ZNF618: variants seen among roughly 807,000 people sequenced by gnomAD.
ZNF618 encodes neural precursor cell expressed, developmentally down-regulated 10.
A neutral mutation model predicts 103.0 loss-of-function variants in ZNF618; 34 were observed. The ratio of observed to expected loss-of-function variants is 0.33; its 90% confidence interval spans 0.25 to 0.44. The LOEUF (loss-of-function observed/expected upper bound fraction) is 0.44, where lower values mean the gene tolerates loss of function less well. ZNF618 is among the 20% of genes least tolerant of loss of function. The pLI is 1.00. For missense variants in ZNF618, 1,059 were observed against 1,295.4 expected (o/e 0.82, Z 2.80); for synonymous variants, 551 against 542.2 (o/e 1.02, Z -0.23).
intron 1 of ZNF618, among the ~76,000 whole-genome samples, chr9:113,924,273 C>T (rs1832882457): frequency 6.6e-6 from 1 of 151,774 alleles, no homozygotes; most frequent in Non-Finnish European, 1.5e-5. Context: ...AGGAATTGGT[C>T]CATTTTATCT....
intron 2 of ZNF618, among the ~76,000 whole-genome samples, chr9:113,970,806 T>G (rs191486963): frequency 6.6e-6 from 1 of 151,184 alleles, no homozygotes; most frequent in Non-Finnish European, 1.5e-5. Context: ...TCATTTTCAT[T>G]ATTCGTTATT....
chr9:114,021,265 A>G (rs1042277715), intron 10 of ZNF618, among the ~76,000 whole-genome samples: 4 of 152,140 alleles, frequency 2.6e-5, no homozygotes, highest in Admixed American at 6.5e-5. Context: ...TAAGTTGTAT[A>G]ACTTGATTAT....
chr9:114,002,087 C>T lies in ZNF618; in HGVS notation c.511+14C>T, dbSNP rs766508777. ...GGGCGCACCGAGGTGAGAGGAGTGT[C>T]CCTGGGGCAGAGCCCAGGGGCCGCA... On this transcript the variant is annotated intron_variant, in intron 5 of 14. Coordinates refer to ENST00000374126, the MANE Select transcript of ZNF618 (RefSeq NM_001318042.2). 6.2e-7 allele frequency: 1 copy of T among 1,610,832 alleles called. No homozygotes were observed. The highest frequency in any genetic ancestry group is 2.2e-5 in the East Asian group (1 of 44,886).
chr9:114,010,568 G>A (rs1842148943), intron 9 of ZNF618, among the ~76,000 whole-genome samples: 1 of 152,026 alleles, frequency 6.6e-6, no homozygotes, highest in Admixed American at 6.6e-5. Context: ...GCCGGGCGTG[G>A]TGGCATGTGC....
intron 1 of ZNF618, among the ~76,000 whole-genome samples, chr9:113,912,269 A>T (rs1831622731): frequency 1.3e-5 from 2 of 151,976 alleles, no homozygotes; most frequent in Non-Finnish European, 2.9e-5. Context: ...AACATACAGG[A>T]GAAGGCAGCA....
chr9:113,964,059 C>G (rs1200163978), intron 1 of ZNF618, among the ~76,000 whole-genome samples: 3 of 152,288 alleles, frequency 2.0e-5, no homozygotes, highest in South Asian at 2.1e-4. Context: ...AAGGCAAAAT[C>G]CTAATTATAG....
rs1564192158 is a variant in ZNF618, at chr9:113,938,564, C to CTTTTCTT, written c.34-30549_34-30548insCTTTTTT. On this transcript the variant is annotated intron_variant, in intron 1 of 14. Coordinates refer to ENST00000374126, the MANE Select transcript of ZNF618 (RefSeq NM_001318042.2). Reference sequence around the variant, plus strand: ...GTGATTCCTCCTCCCATTATATTTTCTTTTTTTCTTTTTTTTTTTTTTGAG... The same window carrying CTTTTCTT: ...GTGATTCCTCCTCCCATTATATTTTCTTTTCTTTTTTTTTCTTTTTTTTTTTTTTGAG... Among the ~76,000 whole-genome samples the CTTTTCTT allele has an allele frequency of 4.1e-4, 32 of 77,676 alleles. 2 individuals carry two copies. The highest frequency in any genetic ancestry group is 4.4e-4 in the Non-Finnish European group (15 of 34,204). 51.0% of individuals were successfully genotyped at this position (77,676 alleles called of 152,430 possible).
chr9:113,986,524 C>G (rs780827074), intron 2 of ZNF618, among the ~76,000 whole-genome samples: 5 of 152,198 alleles, frequency 3.3e-5, no homozygotes, highest in Non-Finnish European at 7.3e-5. Flanking sequence ...TGAGGGCTGC[C>G]TCCTGGCTGT....
intron 1 of ZNF618, among the ~76,000 whole-genome samples, chr9:113,938,785 G>C (rs898998585): frequency 1.3e-5 from 2 of 151,924 alleles, no homozygotes; most frequent in Admixed American, 1.3e-4. Context: ...GGCCAGGCTG[G>C]TCTTGAACTC....
At position 113,947,962 on chromosome 9, in the gene ZNF618, C is replaced by T. The variant is rs538348221; in HGVS notation, c.34-21155C>T. ...GGGAGGTCCAGGCCATCCCTTTGGT[C>T]GCCATGTTGCCACTCTTGACAAAGA... On this transcript the variant is annotated intron_variant, in intron 1 of 14. Coordinates refer to ENST00000374126, the MANE Select transcript of ZNF618 (RefSeq NM_001318042.2). Among the ~76,000 whole-genome samples the T allele has an allele frequency of 4.6e-4, 70 of 152,246 alleles. No homozygotes were observed. The South Asian group carries it at 7.9e-3, about 17-fold the overall frequency.
intron 2 of ZNF618, among the ~76,000 whole-genome samples, chr9:113,982,176 A>G (rs114711375): frequency 0.018 from 2,750 of 152,328 alleles, 94 homozygotes; most frequent in African/African-American, 0.063. Flanking sequence ...TGTTTCTTCA[A>G]ATTTCATGTT....
intron 1 of ZNF618, among the ~76,000 whole-genome samples, chr9:113,946,580 C>G (rs561104118): frequency 6.6e-6 from 1 of 152,230 alleles, no homozygotes; most frequent in East Asian, 1.9e-4. Context: ...GGAAGGGACT[C>G]GGCCCTGACC....
At chr9:113,893,929 A>G (rs1199744516) in intron 1 of ZNF618, among the ~76,000 whole-genome samples, 1 of 152,166 alleles carries the variant, frequency 6.6e-6, no homozygotes, top group Non-Finnish European at 1.5e-5. Context: ...TTTGGAAAAT[A>G]AATTTAGTAT....
At chr9:113,966,316 C>T (rs1041406575) in intron 1 of ZNF618, among the ~76,000 whole-genome samples, 14 of 152,156 alleles carry the variant, frequency 9.2e-5, no homozygotes, top group Non-Finnish European at 1.3e-4. Context: ...AGCTAGAAAA[C>T]GGCAAAACCA....
At chr9:113,894,247 G>A (rs1220477130) in intron 1 of ZNF618, among the ~76,000 whole-genome samples, 1 of 152,010 alleles carries the variant, frequency 6.6e-6, no homozygotes, top group Non-Finnish European at 1.5e-5. Flanking sequence ...TGTATTTGGA[G>A]GATGATTCTT....
intron 14 of ZNF618, 55 bp downstream of exon 14, chr9:114,048,049 C>T: frequency 7.1e-7 from 1 of 1,408,284 alleles, no homozygotes; most frequent in East Asian, 2.5e-5. Flanking sequence ...TCCAGTTGTT[C>T]CTCTCTGCCC....
chr9:113,973,616 A>T (rs915979886), intron 2 of ZNF618, among the ~76,000 whole-genome samples: 3 of 152,200 alleles, frequency 2.0e-5, no homozygotes, highest in African/African-American at 7.2e-5. Context: ...TGTGCAGGTT[A>T]CAAATCATGT....
intron 1 of ZNF618, among the ~76,000 whole-genome samples, chr9:113,957,899 G>A (rs1462009017): frequency 6.6e-6 from 1 of 151,388 alleles, no homozygotes; most frequent in African/African-American, 2.4e-5. Context: ...TCAGCTTGGT[G>A]AGGCTGTACC....
intron 2 of ZNF618, among the ~76,000 whole-genome samples, chr9:113,985,498 G>C (rs1488586885): frequency 2.0e-5 from 3 of 152,240 alleles, no homozygotes; most frequent in Non-Finnish European, 4.4e-5. Flanking sequence ...GTGTCCTGCA[G>C]CTAGGCGGGC....
Sources: allele counts gnomAD v4.1 joint callset (sites outside exome capture counted in the v4.1 genomes callset), GRCh38; gene constraint gnomAD v4.1.1; transcripts MANE v1.5; gene names NCBI Gene and HGNC (gene_info 2026-07-23, HGNC 2026-07-21).